The following FOXP1 variants were observed in gnomAD, a reference collection of about 807,000 sequenced individuals.
FOXP1 encodes forkhead box P1.
FOXP1 carries 15 observed loss-of-function variants against 98.2 expected under a neutral mutation model. The ratio of observed to expected loss-of-function variants is 0.15; its 90% CI spans 0.10 to 0.24. The LOEUF (loss-of-function observed/expected upper bound fraction) is 0.24. Ranked by LOEUF, FOXP1 falls within the 10% of genes least tolerant of loss-of-function variation. FOXP1 has a pLI of 1.00. For missense variants in FOXP1, 633 were observed against 848.5 expected (o/e 0.75, Z 3.15); for synonymous variants, 371 against 314.5 (o/e 1.18, Z -1.90).
At chr3:71,379,139 C>T (rs1168792969) in intron 3 of FOXP1, among the ~76,000 whole-genome samples, 2 of 152,100 alleles carry the variant, frequency 1.3e-5, no homozygotes, top group Non-Finnish European at 2.9e-5. Context: ...CTTCCTTTCG[C>T]TGCCTCTCAT....
At chr3:71,086,005 G>A (rs960107287) in intron 7 of FOXP1, among the ~76,000 whole-genome samples, 3 of 152,016 alleles carry the variant, frequency 2.0e-5, no homozygotes, top group Non-Finnish European at 2.9e-5. Flanking sequence ...TAGGATTACA[G>A]GCGTGAGCCA....
chr3:71,107,314 G>T (rs2057522903), intron 7 of FOXP1, among the ~76,000 whole-genome samples: 1 of 152,162 alleles, frequency 6.6e-6, no homozygotes, highest in South Asian at 2.1e-4. Flanking sequence ...ACTTCTTGAA[G>T]TTCATGAAAT....
intron 3 of FOXP1, among the ~76,000 whole-genome samples, chr3:71,488,689 C>T (rs1042229805): frequency 1.3e-5 from 2 of 152,142 alleles, no homozygotes; most frequent in Non-Finnish European, 2.9e-5. Context: ...ATAAACGCAT[C>T]GAAAATACTT....
chr3:71,271,138 G>A (rs1211852476), intron 5 of FOXP1, among the ~76,000 whole-genome samples: 1 of 152,212 alleles, frequency 6.6e-6, no homozygotes, highest in Non-Finnish European at 1.5e-5. Flanking sequence ...GCTGAGGCAG[G>A]AGAACTGCTT....
intron 7 of FOXP1, among the ~76,000 whole-genome samples, chr3:71,065,191 C>T (rs1178564531): frequency 2.0e-5 from 3 of 151,592 alleles, no homozygotes; most frequent in Non-Finnish European, 4.4e-5. Context: ...ACCCGGTGAC[C>T]CGCCTCCGGC....
chr3:71,087,437 G>T (rs558057084), intron 7 of FOXP1, among the ~76,000 whole-genome samples: 111 of 152,322 alleles, frequency 7.3e-4, no homozygotes, highest in African/African-American at 2.5e-3. Context: ...CGCATCAGAG[G>T]TACTCTGACC....
At chr3:71,154,096 C>CTT (rs142389444) in intron 6 of FOXP1, among the ~76,000 whole-genome samples, 23,593 of 149,984 alleles carry the variant, frequency 0.16, 2,044 homozygotes, top group East Asian at 0.25. Context: ...TCTTCTTCTT[C>CTT]TTTTTTTTTG....
chr3:71,325,145 C>T (rs570424604), intron 4 of FOXP1, among the ~76,000 whole-genome samples: 4 of 151,998 alleles, frequency 2.6e-5, no homozygotes, highest in South Asian at 2.1e-4. Context: ...CTCCACCTCC[C>T]GGGTTCAAGA....
intron 4 of FOXP1, among the ~76,000 whole-genome samples, chr3:71,300,548 T>G (rs1261831664): frequency 6.6e-6 from 1 of 152,178 alleles, no homozygotes; most frequent in Non-Finnish European, 1.5e-5. Flanking sequence ...GGAACACATT[T>G]TACCCCACAT....
intron 5 of FOXP1, among the ~76,000 whole-genome samples, chr3:71,222,320 A>T (rs534850398): frequency 6.6e-6 from 1 of 152,328 alleles, no homozygotes; most frequent in South Asian, 2.1e-4. Flanking sequence ...CACACCTGAC[A>T]TGGAGGCCAC....
chr3:71,444,579 A>T (rs2086241791), intron 3 of FOXP1, among the ~76,000 whole-genome samples: 1 of 152,184 alleles, frequency 6.6e-6, no homozygotes, highest in South Asian at 2.1e-4. Flanking sequence ...GATGGCAGAT[A>T]GGAGGTTTAA....
Position 71,429,494 on chromosome 3 carries a change from G to GA in FOXP1, c.-168+63931dup, listed in dbSNP as rs2108376000. On this transcript the variant is annotated intron_variant, in intron 3 of 20. Coordinates refer to ENST00000649528, the MANE Select transcript of FOXP1 (RefSeq NM_001349338.3). Reference sequence around the variant, plus strand: ...TGAGAACTTGGGGGTGGGGGGGCGGGAGGGGGGGTACTGAAACGTCCCTGT... The same window carrying GA: ...TGAGAACTTGGGGGTGGGGGGGCGGGAAGGGGGGGTACTGAAACGTCCCTGT... Among the ~76,000 whole-genome samples, 3 of 107,980 alleles carry GA rather than the reference G, an allele frequency of 2.8e-5. No homozygotes were observed. The South Asian group carries it at 1.2e-3, about 42-fold the overall frequency. 70.8% of individuals were successfully genotyped at this position (107,980 alleles called of 152,430 possible). A position where few individuals can be genotyped will look rare whatever the true frequency, so the allele number is the denominator to read the frequency against.
At chr3:70,964,348 A>G (rs1256020417) in intron 20 of FOXP1, among the ~76,000 whole-genome samples, 1 of 152,246 alleles carries the variant, frequency 6.6e-6, no homozygotes, top group African/African-American at 2.4e-5. Flanking sequence ...CAGCAAAATC[A>G]GCATCACTCT....
rs111877905 is a variant in FOXP1 at position 71,416,240 on chromosome 3, T to C, written c.-167-56996A>G. On this transcript the variant is annotated intron_variant, in intron 3 of 20. Coordinates refer to ENST00000649528, the MANE Select transcript of FOXP1 (RefSeq NM_001349338.3). ...TCCAGGAGAAAATATAAGGGAGGCA[T>C]TAGGATGGTCAGGGGCTGGGCACAG... Among the ~76,000 whole-genome samples, 531 of 151,968 alleles carry C rather than the reference T, an allele frequency of 3.5e-3. 4 individuals carry two copies. The highest frequency in any genetic ancestry group is 0.012 in the African/African-American group (513 of 41,410).
At chr3:71,409,466 CT>C (rs1475037774) in intron 3 of FOXP1, among the ~76,000 whole-genome samples, 1 of 152,264 alleles carries the variant, frequency 6.6e-6, no homozygotes, top group African/African-American at 2.4e-5. Flanking sequence ...ACAACCACCT[CT>C]GTATCCTCTT....
At chr3:71,480,792 T>G in intron 3 of FOXP1, among the ~76,000 whole-genome samples, 1 of 152,140 alleles carries the variant, frequency 6.6e-6, no homozygotes, top group East Asian at 1.9e-4. Flanking sequence ...GGGAAGCCCA[T>G]GCATGGTAGA....
chr3:71,020,653 T>G (rs2045291806), intron 11 of FOXP1, among the ~76,000 whole-genome samples: 1 of 152,220 alleles, frequency 6.6e-6, no homozygotes, highest in South Asian at 2.1e-4. Context: ...AAGAGTGACC[T>G]TGCTATCTGC....
chr3:71,322,827 C>A (rs954263632), intron 4 of FOXP1, among the ~76,000 whole-genome samples: 9 of 152,116 alleles, frequency 5.9e-5, no homozygotes, highest in Admixed American at 5.9e-4. Context: ...TTGTAGAAAA[C>A]CAACTATGCT....
intron 5 of FOXP1, among the ~76,000 whole-genome samples, chr3:71,237,641 CAG>C (rs1236246445): frequency 6.6e-6 from 1 of 152,202 alleles, no homozygotes; most frequent in Non-Finnish European, 1.5e-5. Context: ...TCAGGAAGCA[CAG>C]AGTTTCCTTG....
Sources: gnomAD v4.1 joint callset for allele counts (sites outside exome capture counted in the v4.1 genomes callset) on GRCh38, gnomAD v4.1.1 for gene constraint, MANE v1.5 for transcripts, NCBI Gene and HGNC (gene_info 2026-07-23, HGNC 2026-07-21) for gene names.